Variants in CFAP418 observed in about 807,000 individuals in gnomAD.
CFAP418 encodes cilia and flagella associated protein 418.
A neutral mutation model predicts 24.7 loss-of-function variants in CFAP418; 27 were observed. The observed-to-expected ratio is 1.09, with a 90% CI of 0.81 to 1.51. The LOEUF (loss-of-function observed/expected upper bound fraction) is 1.51. Among genes scored for constraint, CFAP418 ranks in the 40% most tolerant of loss-of-function variants. The pLI is 0.00. For missense variants in CFAP418, 257 were observed against 255.2 expected (o/e 1.01, Z -0.05); for synonymous variants, 74 against 87.3 (o/e 0.85, Z 0.85).
rs898010673 is a variant in CFAP418 at position 95,260,626 on chromosome 8, T to C, written c.244-94A>G. 1.0e-5 allele frequency: 7 copies of C among 678,438 alleles called. No homozygotes were observed. The African/African-American group carries it at 1.2e-4, about 11-fold the overall frequency. 42.0% of individuals were successfully genotyped at this position (678,438 alleles called of 1,614,324 possible). On this transcript the variant is annotated intron_variant, in intron 2 of 5. Coordinates refer to ENST00000286688, the MANE Select transcript of CFAP418 (RefSeq NM_177965.4). ...CCTTATAACAAGAATATTTTCTAAA[T>C]GACTTAAATACAAATTTTCATGGCA...
At chr8:95,265,952 G>T (rs1811971648) in intron 1 of CFAP418, among the ~76,000 whole-genome samples, 1 of 152,196 alleles carries the variant, frequency 6.6e-6, no homozygotes, top group East Asian at 1.9e-4. Flanking sequence ...ATCTTTTAAA[G>T]ATATAGTTTC....
chr8:95,259,843 C>T lies in CFAP418; in HGVS notation c.371G>A (p.Trp124Ter). The T allele has an allele frequency of 6.2e-7, 1 of 1,606,290 alleles. No homozygotes were observed. Among genetic ancestry groups the T allele is most frequent in the South Asian group, 1.1e-5 (1 of 88,870 alleles). The change falls in exon 4 of 6, where the codon TGG becomes TAG. Residue 124 changes from tryptophan (W) to a stop codon, truncating the protein, a stop_gained. Coordinates refer to ENST00000286688, the MANE Select transcript of CFAP418 (RefSeq NM_177965.4). LOFTEE classifies it high-confidence loss of function. Reference protein sequence around the residue: ...IPCGIGTNISWRACDHLRCIA... With the variant: ...IPCGIGTNIS The stretch of plus-strand genomic sequence containing the variant: ...TAATACATTTCTGACAACCTACCTC[C>T]ATGAAATATTTGTTCCAATCCCACA...
chr8:95,267,077 T>C (rs1050702725), intron 1 of CFAP418, among the ~76,000 whole-genome samples: 1 of 152,208 alleles, frequency 6.6e-6, no homozygotes, highest in African/African-American at 2.4e-5. Flanking sequence ...GGATGGTAGA[T>C]GCGCTAATAG....
At chr8:95,260,598 A>C in intron 2 of CFAP418, 66 bp from the exon 3 acceptor site, 1 of 856,822 alleles carries the variant, frequency 1.2e-6, no homozygotes, top group Non-Finnish European at 1.8e-6. Context: ...GAAAACTAAT[A>C]TTCCTTATAA....
At position 95,246,124 on chromosome 8, in the gene CFAP418, G is replaced by A. The variant is rs1213074769; in HGVS notation, c.*1493C>T. On this transcript the variant is annotated 3_prime_UTR_variant, in exon 6 of 6. Transcript: ENST00000286688. ...CTGCCTCGGCCTCCCGAGTAGTTGG[G>A]ATTACAGGCATGCACCACCGCGCCC... is the stretch of plus-strand genomic sequence containing the variant. 1 of 152,144 alleles carries A rather than the reference G, an allele frequency of 6.6e-6. No individual in the cohort carries two copies. The highest frequency in any genetic ancestry group is 1.5e-5 in the Non-Finnish European group (1 of 68,030). The allele number at this position is 152,144 out of a possible 1,614,324, so 9.4% of individuals were successfully genotyped here.
chr8:95,261,093 T>C (rs1811881164), intron 2 of CFAP418, among the ~76,000 whole-genome samples: 1 of 152,192 alleles, frequency 6.6e-6, no homozygotes, highest in Non-Finnish European at 1.5e-5. Flanking sequence ...CATAGTATCA[T>C]CATCATTAGC....
chr8:95,268,751 CGGGCGGGGCGGGGCGGGGCG>C lies in CFAP418; in HGVS notation c.155+264_155+283del, dbSNP rs71273476. ...AGACTGGCGCGGACTGCGGGCTCTG[CGGGCGGGGCGGGGCGGGGCG>C]GGGCGGGGCGGGGCGGGGCGGGGGC... On this transcript the variant is annotated intron_variant, in intron 1 of 5. Coordinates refer to ENST00000286688, the MANE Select transcript of CFAP418 (RefSeq NM_177965.4). The C allele has an allele frequency of 6.8e-4, 78 of 114,036 alleles. 4 individuals carry two copies. The highest frequency in any genetic ancestry group is 1.9e-3 in the African/African-American group (29 of 14,992). 7.1% of individuals were successfully genotyped at this position (114,036 alleles called of 1,614,324 possible).
chr8:95,252,163 A>C lies in CFAP418; in HGVS notation c.470+25T>G, dbSNP rs191228247. 5.1e-4 allele frequency: 792 copies of C among 1,546,582 alleles called. 5 individuals carry two copies. Among genetic ancestry groups the C allele is most frequent in the Admixed American group, 1.9e-3 (107 of 57,274 alleles). ...ATATAAACTACTTGGTACTTTTTTC[A>C]GAGTGAAGTTCTTTAGCAACATACC... is the stretch of plus-strand genomic sequence containing the variant. On this transcript the variant is annotated intron_variant, in intron 5 of 5. Coordinates refer to ENST00000286688, the MANE Select transcript of CFAP418 (RefSeq NM_177965.4).
At chr8:95,263,191 A>T (rs1396299018) in intron 2 of CFAP418, among the ~76,000 whole-genome samples, 5 of 152,180 alleles carry the variant, frequency 3.3e-5, no homozygotes, top group Admixed American at 3.3e-4. Flanking sequence ...GGTGGCTGTC[A>T]TGGTATGTTC....
chr8:95,258,185 A>G (rs1019294256), intron 4 of CFAP418, among the ~76,000 whole-genome samples: 46 of 152,154 alleles, frequency 3.0e-4, no homozygotes, highest in African/African-American at 1.1e-3. Context: ...GATGGAGACC[A>G]TCCTGGATAA....
At chr8:95,263,336 G>A (rs1466071247) in intron 2 of CFAP418, among the ~76,000 whole-genome samples, 1 of 152,058 alleles carries the variant, frequency 6.6e-6, no homozygotes, top group Non-Finnish European at 1.5e-5. Context: ...TTGCATGTGA[G>A]GTGCTAAGCA....
At chr8:95,253,948 T>C (rs978747757) in intron 4 of CFAP418, among the ~76,000 whole-genome samples, 4 of 152,258 alleles carry the variant, frequency 2.6e-5, no homozygotes, top group African/African-American at 9.6e-5. Flanking sequence ...ATTTTGTATG[T>C]GTAAAATCTC....
chr8:95,255,098 T>G (rs1027048445), intron 4 of CFAP418, among the ~76,000 whole-genome samples: 22 of 152,192 alleles, frequency 1.4e-4, no homozygotes, highest in African/African-American at 5.3e-4. Context: ...TGTCCTTTCC[T>G]GTCTTGCCCC....
intron 3 of CFAP418, among the ~76,000 whole-genome samples, chr8:95,260,256 T>A (rs1267903890): frequency 6.6e-6 from 1 of 152,194 alleles, no homozygotes. Context: ...TTATTTACAA[T>A]AGCAATAATC....
At chr8:95,260,227 T>A (rs1050891912) in intron 3 of CFAP418, among the ~76,000 whole-genome samples, 4 of 152,348 alleles carry the variant, frequency 2.6e-5, no homozygotes, top group African/African-American at 9.6e-5. Flanking sequence ...TGTTCACACT[T>A]TTTTTAAATG....
At chr8:95,267,329 C>T (rs921010287) in intron 1 of CFAP418, among the ~76,000 whole-genome samples, 1 of 152,182 alleles carries the variant, frequency 6.6e-6, no homozygotes, top group Admixed American at 6.5e-5. Flanking sequence ...TGACTGGGCA[C>T]GGTGGCTCAT....
intron 5 of CFAP418, among the ~76,000 whole-genome samples, chr8:95,251,739 A>G (rs1396377633): frequency 6.6e-6 from 1 of 152,202 alleles, no homozygotes; most frequent in African/African-American, 2.4e-5. Flanking sequence ...ACAGAAACAC[A>G]GTCATGCATT....
intron 1 of CFAP418, among the ~76,000 whole-genome samples, chr8:95,265,754 A>G (rs1811968125): frequency 6.6e-6 from 1 of 152,174 alleles, no homozygotes; most frequent in African/African-American, 2.4e-5. Flanking sequence ...AGATCACACA[A>G]TTTCAAAATG....
chr8:95,256,749 G>A (rs1447741575), intron 4 of CFAP418, among the ~76,000 whole-genome samples: 1 of 152,238 alleles, frequency 6.6e-6, no homozygotes, highest in Non-Finnish European at 1.5e-5. Flanking sequence ...TCAATCTGCA[G>A]TGTGTGAATT....
Sources: gnomAD v4.1 joint callset for allele counts (sites outside exome capture counted in the v4.1 genomes callset) on GRCh38, gnomAD v4.1.1 for gene constraint, MANE v1.5 for transcripts, NCBI Gene and HGNC (gene_info 2026-07-23, HGNC 2026-07-21) for gene names.